Variants in MARK3 observed in about 807,000 individuals in gnomAD.
The protein encoded by MARK3 is microtubule affinity regulating kinase 3.
In MARK3, 46 loss-of-function variants were observed where a neutral mutation model predicts 90.1. The observed-to-expected ratio is 0.51, with a 90% confidence interval of 0.40 to 0.65. The LOEUF (loss-of-function observed/expected upper bound fraction) is 0.65, where lower values mean the gene tolerates loss of function less well. MARK3 is among the 30% of genes least tolerant of loss of function. The pLI is 0.00. For missense variants in MARK3, 818 were observed against 947.2 expected, an observed-to-expected ratio of 0.86 and a Z score of 1.79; for synonymous variants, 321 against 332.6, an observed-to-expected ratio of 0.97 and a Z score of 0.38.
rs551784869 is a variant in MARK3 at position 103,483,996 on chromosome 14, T to C, written c.1586+3506T>C. On this transcript the variant is annotated intron_variant, in intron 14 of 17. Transcript: ENST00000429436. Reference sequence around the variant, plus strand: ...TTTCTTAGTTTGCACTGACTAAACCTAATCTTTCAAGTTAATAATGTTGCT... The same window carrying C: ...TTTCTTAGTTTGCACTGACTAAACCCAATCTTTCAAGTTAATAATGTTGCT... Among the ~76,000 whole-genome samples the C allele has an allele frequency of 2.6e-5, 4 of 152,298 alleles. No individual in the cohort carries two copies. In the South Asian group the frequency reaches 8.3e-4, roughly 32 times the overall value.
chr14:103,395,690 A>G (rs572589706), intron 1 of MARK3, among the ~76,000 whole-genome samples: 1 of 152,336 alleles, frequency 6.6e-6, no homozygotes, highest in South Asian at 2.1e-4. Flanking sequence ...CATATCTGCA[A>G]ACATCTTTAT....
intron 2 of MARK3, among the ~76,000 whole-genome samples, chr14:103,416,495 G>A (rs1038373770): frequency 2.0e-5 from 3 of 152,204 alleles, no homozygotes; most frequent in Admixed American, 2.0e-4. Context: ...AGCAAGCCAG[G>A]CGTGGTGGAT....
intron 2 of MARK3, among the ~76,000 whole-genome samples, chr14:103,422,878 C>G (rs2092272182): frequency 6.6e-6 from 1 of 152,134 alleles, no homozygotes; most frequent in South Asian, 2.1e-4. Context: ...CCTCAAAATT[C>G]ATATGTGTAA....
chr14:103,402,187 A>G (rs1231800612), intron 1 of MARK3, among the ~76,000 whole-genome samples: 1 of 152,234 alleles, frequency 6.6e-6, no homozygotes, highest in African/African-American at 2.4e-5. Flanking sequence ...AAGAAGCGCT[A>G]AGGAGTTAGT....
At chr14:103,484,733 C>A (rs1387496844) in intron 14 of MARK3, among the ~76,000 whole-genome samples, 1 of 148,980 alleles carries the variant, frequency 6.7e-6, no homozygotes, top group East Asian at 2.0e-4. Context: ...GAGATCAAGA[C>A]CATCCTGACC....
chr14:103,431,207 T>C (rs1179628029), intron 3 of MARK3, among the ~76,000 whole-genome samples: 1 of 152,124 alleles, frequency 6.6e-6, no homozygotes, highest in East Asian at 1.9e-4. Flanking sequence ...TTCTTCTCCC[T>C]CAGCCTCCCA....
intron 2 of MARK3, among the ~76,000 whole-genome samples, chr14:103,427,631 C>T (rs1010850595): frequency 4.6e-5 from 7 of 151,738 alleles, no homozygotes; most frequent in African/African-American, 1.7e-4. Context: ...CATGAGCTTT[C>T]TGGGAAAAGG....
In MARK3 at chr14:103,402,010, A is replaced by G. The variant is rs546507248; in HGVS notation, c.52-3066A>G. Among the ~76,000 whole-genome samples, 3 of 152,168 alleles carry G rather than the reference A, an allele frequency of 2.0e-5. No individual in the cohort carries two copies. The East Asian group carries it at 5.8e-4, about 29-fold the overall frequency. On this transcript the variant is annotated intron_variant, in intron 1 of 17. Transcript: ENST00000429436. Reference sequence around the variant, plus strand: ...ACTCAAAGCTAGAGTCTACTGGCTGATGTCGTGGGAGAGGAAGAAGAGATG... The same window carrying G: ...ACTCAAAGCTAGAGTCTACTGGCTGGTGTCGTGGGAGAGGAAGAAGAGATG...
chr14:103,414,997 C>G (rs1000442570), intron 2 of MARK3, among the ~76,000 whole-genome samples: 1 of 151,560 alleles, frequency 6.6e-6, no homozygotes, highest in African/African-American at 2.4e-5. Context: ...ACTAAAAATA[C>G]AAAAAATAGC....
chr14:103,443,491 G>GATTCACTA (rs1404867614), intron 3 of MARK3, among the ~76,000 whole-genome samples: 1 of 152,164 alleles, frequency 6.6e-6, no homozygotes, highest in Non-Finnish European at 1.5e-5. Flanking sequence ...TTTCCCCAAA[G>GATTCACTA]ATTCACTAAA....
intron 3 of MARK3, among the ~76,000 whole-genome samples, chr14:103,445,004 C>T (rs1042145575): frequency 6.6e-6 from 1 of 152,060 alleles, no homozygotes; most frequent in Middle Eastern, 3.2e-3. Context: ...TTGTCAACTT[C>T]GTAAAAAGCT....
intron 2 of MARK3, among the ~76,000 whole-genome samples, chr14:103,422,592 G>A (rs1024168403): frequency 6.6e-6 from 1 of 152,122 alleles, no homozygotes; most frequent in Admixed American, 6.5e-5. Context: ...CCACACCCTA[G>A]AAGCCTCCCT....
At chr14:103,397,883 CTTGTT>C (rs2090687494) in intron 1 of MARK3, among the ~76,000 whole-genome samples, 1 of 152,158 alleles carries the variant, frequency 6.6e-6, no homozygotes, top group Non-Finnish European at 1.5e-5. Flanking sequence ...AGACTATCTT[CTTGTT>C]TTATCTACTC....
chr14:103,435,366 A>G (rs1249558322), intron 3 of MARK3, among the ~76,000 whole-genome samples: 1 of 149,078 alleles, frequency 6.7e-6, no homozygotes. Context: ...ACTTCCCCCA[A>G]AGTTCTTAAT....
intron 14 of MARK3, among the ~76,000 whole-genome samples, chr14:103,484,984 G>C (rs1289363666): frequency 1.3e-5 from 2 of 150,790 alleles, no homozygotes; most frequent in Non-Finnish European, 2.9e-5. Flanking sequence ...TTGCGAAGCT[G>C]AGGTGGGCGG....
intron 1 of MARK3, among the ~76,000 whole-genome samples, chr14:103,398,026 A>G (rs1414420891): frequency 6.6e-6 from 1 of 152,188 alleles, no homozygotes; most frequent in Non-Finnish European, 1.5e-5. Flanking sequence ...AATATTACAT[A>G]TGTCTTATCT....
At chr14:103,476,644 G>A (rs926532429) in intron 13 of MARK3, among the ~76,000 whole-genome samples, 5 of 152,218 alleles carry the variant, frequency 3.3e-5, no homozygotes, top group African/African-American at 4.8e-5. Context: ...CTGTAAGCAC[G>A]TTTTTCCCTA....
At chr14:103,451,878 A>G (rs770301615) in intron 4 of MARK3, 40 bp from the exon 5 acceptor site, 15 of 1,472,426 alleles carry the variant, frequency 1.0e-5, no homozygotes, top group Non-Finnish European at 1.4e-5. Flanking sequence ...GCATACAGAC[A>G]TTTGTCTCTT....
In MARK3 at chr14:103,385,710, A is replaced by G; in HGVS notation, c.-320A>G. 1 of 282,480 alleles carries G rather than the reference A, an allele frequency of 3.5e-6. No individual in the cohort carries two copies. The allele number at this position is 282,480 out of a possible 1,614,324, so 17.5% of individuals were successfully genotyped here. A position where few individuals can be genotyped will look rare whatever the true frequency, so the allele number is the denominator to read the frequency against. On this transcript the variant is annotated 5_prime_UTR_variant, in exon 1 of 18. Transcript: ENST00000429436. ...AGTGGAGAAGGAGGTGAGGGGGCCCAGGATCGCGGGGCGCCCTGAGGCAAG... is the reference window on the plus strand; with the variant it reads ...AGTGGAGAAGGAGGTGAGGGGGCCCGGGATCGCGGGGCGCCCTGAGGCAAG...
Sources: allele counts gnomAD v4.1 joint callset (sites outside exome capture counted in the v4.1 genomes callset), GRCh38; gene constraint gnomAD v4.1.1; transcripts MANE v1.5; gene names NCBI Gene and HGNC (gene_info 2026-07-23, HGNC 2026-07-21).